The following BLVRB variants were observed in gnomAD, a reference collection of about 807,000 sequenced individuals.
BLVRB encodes biliverdin reductase B, also known as flavin reductase (NADPH).
A neutral mutation model predicts 21.1 loss-of-function variants in BLVRB; 25 were observed. The observed-to-expected ratio is 1.19, with a 90% CI of 0.86 to 1.66. BLVRB has a LOEUF of 1.66. Ranked by LOEUF, BLVRB falls within the 40% of genes most tolerant of loss-of-function variation. BLVRB has a pLI of 0.00. For synonymous variants in BLVRB, 128 were observed against 122.2 expected, an observed-to-expected ratio of 1.05 and a Z score of -0.31; for missense variants, 274 against 282.7, an observed-to-expected ratio of 0.97 and a Z score of 0.22.
At chr19:40,454,792 A>C (rs531995615) in intron 3 of BLVRB, among the ~76,000 whole-genome samples, 1 of 149,850 alleles carries the variant, frequency 6.7e-6, no homozygotes, top group South Asian at 2.1e-4. Flanking sequence ...TGATCCACCC[A>C]CCTTGGCCTC....
chr19:40,461,578 C>T (rs1314708856), intron 1 of BLVRB, among the ~76,000 whole-genome samples: 3 of 151,516 alleles, frequency 2.0e-5, no homozygotes, highest in African/African-American at 7.3e-5. Context: ...CGGCTCACTG[C>T]AACCTCCGTC....
chr19:40,448,879 C>T (rs1014881050), intron 4 of BLVRB, among the ~76,000 whole-genome samples: 2 of 151,856 alleles, frequency 1.3e-5, no homozygotes, highest in Non-Finnish European at 1.5e-5. Context: ...ATCACTTGAG[C>T]TCAGGAGTTT....
intron 3 of BLVRB, among the ~76,000 whole-genome samples, chr19:40,453,415 ACT>A (rs1256968960): frequency 6.6e-6 from 1 of 151,996 alleles, no homozygotes; most frequent in East Asian, 1.9e-4. Flanking sequence ...TTATCCTGTG[ACT>A]CTATCACATT....
intron 3 of BLVRB, 64 bp from the exon 4 acceptor site, chr19:40,451,556 CAG>C (rs1219011018): frequency 5.9e-5 from 84 of 1,422,034 alleles, no homozygotes; most frequent in Non-Finnish European, 7.1e-5. Context: ...TTTTTTGAGA[CAG>C]AGTGTCGCTT....
Position 40,456,856 on chromosome 19 carries a change from G to C in BLVRB, c.334+1299C>G, listed in dbSNP as rs978593406. On this transcript the variant is annotated intron_variant, in intron 3 of 4. Transcript: ENST00000263368. ...CCATGAACCCGGGAGGTGGAGTGGC[G>C]GTTGCAGTGAGCTGATACCACGCCA... is the stretch of plus-strand genomic sequence containing the variant. Among the ~76,000 whole-genome samples, 5 of 152,200 alleles carry C rather than the reference G, an allele frequency of 3.3e-5. No homozygotes were observed. The East Asian group carries it at 9.6e-4, about 29-fold the overall frequency.
chr19:40,455,802 C>A (rs1251448813), intron 3 of BLVRB, among the ~76,000 whole-genome samples: 2 of 152,174 alleles, frequency 1.3e-5, no homozygotes, highest in East Asian at 3.9e-4. Context: ...AAAACACAAT[C>A]ACAATTTTAA....
intron 1 of BLVRB, among the ~76,000 whole-genome samples, chr19:40,462,605 C>T (rs941439955): frequency 6.8e-6 from 1 of 148,080 alleles, no homozygotes. Context: ...AAAATCTCAG[C>T]CATTGGCCGG....
intron 1 of BLVRB, among the ~76,000 whole-genome samples, chr19:40,465,149 C>T (rs906722172): frequency 2.6e-5 from 4 of 152,154 alleles, no homozygotes; most frequent in African/African-American, 9.7e-5. Flanking sequence ...TGTCAGTTAA[C>T]AGCTGTGTGA....
At chr19:40,449,402 C>T (rs1028407088) in intron 4 of BLVRB, among the ~76,000 whole-genome samples, 2 of 152,056 alleles carry the variant, frequency 1.3e-5, no homozygotes, top group South Asian at 2.1e-4. Flanking sequence ...TCCGCCACCA[C>T]ACCTGGCTAA....
rs1677888710 is a variant in BLVRB, at chr19:40,458,439, G to C, written c.186C>G (p.Asp62Glu). ...CAGCGTCCTGCCCAGCCACGGTCTT[G>C]TCCACATCGGCTGCCTGCAGAACAT... ...VGDVLQAADV[D>E]KTVAGQDAVI... is the part of the protein sequence containing the mutation. The change falls in exon 2 of 5, where the codon GAC becomes GAG. Residue 62 changes from aspartate (D) to glutamate (E), a missense_variant. Physicochemically the swap from Asp to Glu is conservative, Grantham distance 45 (BLOSUM62 2). Transcript: ENST00000263368. 1 of 1,597,088 alleles carries C rather than the reference G, an allele frequency of 6.3e-7. No individual in the cohort carries two copies. Among genetic ancestry groups the C allele is most frequent in the Non-Finnish European group, 8.5e-7 (1 of 1,172,542 alleles).
At chr19:40,450,844 A>ATCTG (rs1434640963) in intron 4 of BLVRB, among the ~76,000 whole-genome samples, 1 of 112,062 alleles carries the variant, frequency 8.9e-6, no homozygotes, top group Non-Finnish European at 1.9e-5. Context: ...TGGCCTATGT[A>ATCTG]TCTATCTATC....
chr19:40,457,772 C>CT (rs1342453081), intron 3 of BLVRB: 1 of 238,308 alleles, frequency 4.2e-6, no homozygotes, highest in African/African-American at 2.2e-5. Flanking sequence ...ATCCACAGCT[C>CT]TATCACTTCC....
chr19:40,448,630 T>C (rs1599684694), intron 4 of BLVRB, among the ~76,000 whole-genome samples: 1 of 145,834 alleles, frequency 6.9e-6, no homozygotes, highest in East Asian at 2.0e-4. Flanking sequence ...TATATATATA[T>C]ATATATATAT....
chr19:40,462,816 C>G (rs1204572287), intron 1 of BLVRB, among the ~76,000 whole-genome samples: 1 of 136,634 alleles, frequency 7.3e-6, no homozygotes, highest in Non-Finnish European at 1.5e-5. Flanking sequence ...TGGCTGAACT[C>G]GGGAGGCGGA....
At chr19:40,463,292 G>A (rs1430923012) in intron 1 of BLVRB, among the ~76,000 whole-genome samples, 2 of 152,216 alleles carry the variant, frequency 1.3e-5, no homozygotes, top group Non-Finnish European at 2.9e-5. Context: ...GCTAGTCTAA[G>A]TACCTCCTAT....
chr19:40,463,296 C>T (rs2613843), intron 1 of BLVRB, among the ~76,000 whole-genome samples: 92,437 of 152,100 alleles, frequency 0.61, 29,982 homozygotes, highest in African/African-American at 0.84. Flanking sequence ...GTCTAAGTAC[C>T]TCCTATATAA....
intron 1 of BLVRB, 53 bp downstream of exon 1, chr19:40,465,557 C>T: frequency 6.4e-7 from 1 of 1,567,260 alleles, no homozygotes; most frequent in East Asian, 2.4e-5. Flanking sequence ...GTGCCCCTTC[C>T]TAAAGTTCTG....
chr19:40,463,924 T>G (rs2079799310), intron 1 of BLVRB, among the ~76,000 whole-genome samples: 1 of 151,866 alleles, frequency 6.6e-6, no homozygotes, highest in Admixed American at 6.6e-5. Context: ...CCAGCCACCA[T>G]GCCCGGCTAA....
At chr19:40,455,584 G>A (rs946306653) in intron 3 of BLVRB, among the ~76,000 whole-genome samples, 2 of 152,174 alleles carry the variant, frequency 1.3e-5, no homozygotes, top group African/African-American at 4.8e-5. Flanking sequence ...TGTAATCCCA[G>A]CTACTCAGGA....
Sources: allele counts gnomAD v4.1 joint callset (sites outside exome capture counted in the v4.1 genomes callset), GRCh38; gene constraint gnomAD v4.1.1; transcripts MANE v1.5; gene names NCBI Gene and HGNC (gene_info 2026-07-23, HGNC 2026-07-21).